The following ABHD3 variants were observed in gnomAD, a reference collection of about 807,000 sequenced individuals.
ABHD3 encodes abhydrolase domain containing 3, phospholipase.
In ABHD3, 46 loss-of-function variants were observed where a neutral mutation model predicts 48.8. The observed-to-expected ratio is 0.94, with a 90% CI of 0.74 to 1.20. The LOEUF (loss-of-function observed/expected upper bound fraction) is 1.20. Among genes scored for constraint, ABHD3 ranks in the 50% most tolerant of loss-of-function variants. ABHD3 has a pLI of 0.00. For missense variants in ABHD3, 490 were observed against 497.8 expected (o/e 0.98, Z 0.15); for synonymous variants, 192 against 183.7 (o/e 1.04, Z -0.36).
intron 4 of ABHD3, among the ~76,000 whole-genome samples, chr18:21,676,342 T>C (rs2039881530): frequency 6.6e-6 from 1 of 152,262 alleles, no homozygotes; most frequent in Admixed American, 6.5e-5. Flanking sequence ...TATACATATT[T>C]CAAAACATCA....
At chr18:21,691,589 A>T (rs531296426) in intron 3 of ABHD3, among the ~76,000 whole-genome samples, 13 of 152,372 alleles carry the variant, frequency 8.5e-5, no homozygotes, top group Non-Finnish European at 1.5e-5. Context: ...TCACTATTAC[A>T]TGCCTAACTC....
In ABHD3 at chr18:21,656,868, G is replaced by C. The variant is rs772135424; in HGVS notation, c.1050C>G (p.Pro350=). The change falls in exon 8 of 9, where the codon CCC becomes CCG. Residue 350 remains proline, a synonymous_variant. Coordinates refer to ENST00000289119, the MANE Select transcript of ABHD3 (RefSeq NM_138340.5). The part of the protein sequence containing the change: ...CLNSVDDVFS[P]SHAIPIETAK... The stretch of plus-strand genomic sequence containing the variant: ...CAAATATGTTAATTTTACCATGACT[G>C]GGTGAGAAAACATCATCCACAGAAT... 3 of 1,592,480 alleles carry C rather than the reference G, an allele frequency of 1.9e-6. No individual in the cohort carries two copies. The highest frequency in any genetic ancestry group is 2.6e-6 in the Non-Finnish European group (3 of 1,166,548).
At chr18:21,655,433 C>T (rs1471489948) in intron 8 of ABHD3, among the ~76,000 whole-genome samples, 1 of 151,960 alleles carries the variant, frequency 6.6e-6, no homozygotes, top group East Asian at 1.9e-4. Flanking sequence ...ATTACAGGCA[C>T]ATGCCACCAT....
Position 21,695,366 on chromosome 18 carries a change from C to T in ABHD3, c.509+6950G>A, listed in dbSNP as rs76939173. On this transcript the variant is annotated intron_variant, in intron 3 of 8. Coordinates refer to ENST00000289119, the MANE Select transcript of ABHD3 (RefSeq NM_138340.5). ...TTCAAGCTTCCCTTGCAGCCAAGAG[C>T]GGGCCAATGTGATACAAGCAAAAGT... Among the ~76,000 whole-genome samples, 899 of 152,196 alleles carry T rather than the reference C, an allele frequency of 5.9e-3. 58 individuals are homozygous for T. In the East Asian group the frequency reaches 0.14, roughly 24 times the overall value.
At chr18:21,698,778 G>A (rs117031102) in intron 3 of ABHD3, among the ~76,000 whole-genome samples, 5,233 of 146,636 alleles carry the variant, frequency 0.036, 147 homozygotes, top group Non-Finnish European at 0.053. Flanking sequence ...ATGGGGTTTC[G>A]CCATGTGGGC....
At chr18:21,652,487 A>G (rs1275978700) in intron 8 of ABHD3, among the ~76,000 whole-genome samples, 4 of 151,644 alleles carry the variant, frequency 2.6e-5, no homozygotes, top group African/African-American at 4.8e-5. Context: ...AAAAGAAAGA[A>G]AGAGAGAGGC....
chr18:21,690,996 C>CA (rs34425997), intron 3 of ABHD3, among the ~76,000 whole-genome samples: 2,996 of 62,300 alleles, frequency 0.048, 158 homozygotes, highest in African/African-American at 0.14. Context: ...GACTCTGTCT[C>CA]AAAAAAAAAA....
intron 3 of ABHD3, among the ~76,000 whole-genome samples, chr18:21,691,734 T>C (rs1000854731): frequency 1.3e-5 from 2 of 152,204 alleles, no homozygotes; most frequent in Admixed American, 6.5e-5. Flanking sequence ...CTGTCATGTC[T>C]TGAATTTCCC....
At chr18:21,688,827 C>G (rs547041636) in intron 3 of ABHD3, among the ~76,000 whole-genome samples, 1 of 151,998 alleles carries the variant, frequency 6.6e-6, no homozygotes, top group African/African-American at 2.4e-5. Flanking sequence ...GTAATCCAAG[C>G]AAAGATATAA....
chr18:21,668,058 G>C (rs1355487580), intron 4 of ABHD3, among the ~76,000 whole-genome samples: 1 of 151,500 alleles, frequency 6.6e-6, no homozygotes, highest in Non-Finnish European at 1.5e-5. Context: ...AAAATTAGCC[G>C]GGTGTGGTGG....
At position 21,703,616 on chromosome 18, in the gene ABHD3, G is replaced by A; in HGVS notation, c.294C>T (p.Phe98=). The A allele has an allele frequency of 6.2e-7, 1 of 1,613,766 alleles. No homozygotes were observed. Among genetic ancestry groups the A allele is most frequent in the Non-Finnish European group, 8.5e-7 (1 of 1,179,698 alleles). ...ACTGCACCGGGGGCTTCGAAGTGAT[G>A]AAAGGTCTAAGCAGGGTCTGTCCTC... ...EGRGQTLLRP[F]ITSKPPVQYR... The change falls in exon 2 of 9, where the codon TTC becomes TTT. Residue 98 remains phenylalanine (F), a synonymous_variant. Transcript: ENST00000289119.
At chr18:21,701,127 A>G (rs1291670559) in intron 3 of ABHD3, 1 of 152,140 alleles carries the variant, frequency 6.6e-6, no homozygotes, top group Non-Finnish European at 1.5e-5. Flanking sequence ...TATTATTTAT[A>G]AAAGATCAGA....
chr18:21,703,550 T>C (rs1364943577), intron 2 of ABHD3, 34 bp downstream of exon 2: 2 of 1,589,992 alleles, frequency 1.3e-6, no homozygotes, highest in Non-Finnish European at 1.7e-6. Context: ...ACCTGTGATT[T>C]TGCAGAAATG....
intron 6 of ABHD3, among the ~76,000 whole-genome samples, chr18:21,657,513 G>A (rs1340387329): frequency 6.6e-6 from 1 of 151,466 alleles, no homozygotes; most frequent in Non-Finnish European, 1.5e-5. Context: ...CAATTTTGTG[G>A]GTTTTTTTTT....
intron 2 of ABHD3, 141 bp downstream of exon 2, chr18:21,703,442 CG>C (rs1402284604): frequency 1.0e-6 from 1 of 1,003,096 alleles, no homozygotes; most frequent in East Asian, 2.7e-5. Context: ...GAGCCGGGGA[CG>C]TACCTTCCAT....
chr18:21,673,077 G>A (rs2039791366), intron 4 of ABHD3, among the ~76,000 whole-genome samples: 1 of 152,160 alleles, frequency 6.6e-6, no homozygotes, highest in African/African-American at 2.4e-5. Context: ...GAGCAGGTCA[G>A]CCAGGAATTA....
At chr18:21,658,679 AACTTAT>A (rs2039410983) in intron 6 of ABHD3, among the ~76,000 whole-genome samples, 1 of 152,200 alleles carries the variant, frequency 6.6e-6, no homozygotes, top group South Asian at 2.1e-4. Context: ...CTTAAATTTT[AACTTAT>A]ACTTACATTT....
intron 3 of ABHD3, among the ~76,000 whole-genome samples, chr18:21,694,687 C>T (rs1221359395): frequency 6.6e-6 from 1 of 152,178 alleles, no homozygotes; most frequent in Non-Finnish European, 1.5e-5. Context: ...TGTTTCTCTC[C>T]TTTCTCTGTC....
chr18:21,660,391 TTC>T (rs2039464961), intron 5 of ABHD3, among the ~76,000 whole-genome samples: 1 of 152,110 alleles, frequency 6.6e-6, no homozygotes, highest in South Asian at 2.1e-4. Context: ...GTAACTTGTT[TTC>T]TCTTTCTATT....
Sources: allele counts gnomAD v4.1 joint callset (sites outside exome capture counted in the v4.1 genomes callset), GRCh38; gene constraint gnomAD v4.1.1; transcripts MANE v1.5; gene names NCBI Gene and HGNC (gene_info 2026-07-23, HGNC 2026-07-21).